Variants in PHTF2 observed in about 807,000 individuals in gnomAD.
PHTF2 encodes the protein putative homeodomain transcription factor 2.
Under a neutral mutation model 101.2 loss-of-function variants are expected in PHTF2, and 60 were observed. That is an observed-to-expected ratio of 0.59 (90% CI 0.48 to 0.73). PHTF2 has a LOEUF of 0.73. Ranked by LOEUF, PHTF2 falls within the 30% of genes least tolerant of loss-of-function variation. The pLI is 0.00. For synonymous variants in PHTF2, 311 were observed against 307.3 expected, an observed-to-expected ratio of 1.01 and a Z score of -0.13; for missense variants, 747 against 908.7, an observed-to-expected ratio of 0.82 and a Z score of 2.29.
intron 5 of PHTF2, 157 bp from the exon 5 acceptor site, chr7:77,900,554 T>C: frequency 1.6e-6 from 1 of 614,586 alleles, no homozygotes. Context: ...ATTACAATAC[T>C]GTAATTGTGT....
intron 5 of PHTF2, among the ~76,000 whole-genome samples, chr7:77,897,709 T>G (rs1018017009): frequency 4.6e-5 from 7 of 152,206 alleles, no homozygotes; most frequent in Non-Finnish European, 8.8e-5. Context: ...CTTGATGCTT[T>G]CTTTTATTTT....
chr7:77,852,581 T>C (rs919177793), intron 2 of PHTF2, among the ~76,000 whole-genome samples: 5 of 152,242 alleles, frequency 3.3e-5, no homozygotes, highest in Non-Finnish European at 5.9e-5. Flanking sequence ...TTTTAATACG[T>C]TCATCTTTTA....
intron 10 of PHTF2, among the ~76,000 whole-genome samples, chr7:77,922,078 A>G (rs1411680759): frequency 7.6e-6 from 1 of 130,858 alleles, no homozygotes; most frequent in Non-Finnish European, 1.5e-5. Context: ...GCCAGAGTTC[A>G]GTGGTGCGAT....
At chr7:77,956,731 A>G (rs944815521) in exon 20 of PHTF2, 2 of 152,636 alleles carry the variant, frequency 1.3e-5, no homozygotes, top group Non-Finnish European at 2.9e-5. Flanking sequence ...ATTTTGAGAA[A>G]AAAAGTACGG....
intron 5 of PHTF2, among the ~76,000 whole-genome samples, chr7:77,897,293 A>ATTT (rs10687152): frequency 1.4e-3 from 190 of 133,656 alleles, no homozygotes; most frequent in African/African-American, 4.6e-3. Context: ...AGCCCATTTC[A>ATTT]TTTTTTTTTT....
intron 1 of PHTF2, among the ~76,000 whole-genome samples, chr7:77,836,119 C>CAAAAAAA (rs1210225270): frequency 7.5e-4 from 48 of 64,406 alleles, no homozygotes; most frequent in African/African-American, 2.2e-3. Context: ...AACTCCATCT[C>CAAAAAAA]AAAAAAAAAA....
chr7:77,893,561 G>T (rs1181830594), intron 3 of PHTF2, 47 bp from the exon 3 acceptor site: 1 of 766,726 alleles, frequency 1.3e-6, no homozygotes, highest in South Asian at 1.6e-5. Context: ...ATACCTATTT[G>T]ATGGGTACCA....
At chr7:77,841,903 T>C (rs576917584) in intron 2 of PHTF2, among the ~76,000 whole-genome samples, 5 of 152,314 alleles carry the variant, frequency 3.3e-5, no homozygotes, top group African/African-American at 1.2e-4. Flanking sequence ...CTAATTTCTA[T>C]CTACGGGAGT....
chr7:77,928,875 T>G (rs1804304216), intron 11 of PHTF2, among the ~76,000 whole-genome samples: 5 of 152,240 alleles, frequency 3.3e-5, no homozygotes. Flanking sequence ...GATACAACCT[T>G]TGTATGCAAA....
At chr7:77,932,619 AGAGTGTGTGTGTGTGT>A (rs1258441825) in intron 12 of PHTF2, among the ~76,000 whole-genome samples, 2 of 111,604 alleles carry the variant, frequency 1.8e-5, no homozygotes, top group African/African-American at 8.2e-5. Context: ...AGAGAGAGAG[AGAGTGTGTGTGTGTGT>A]GTGTGTGTGT....
chr7:77,905,228 T>C (rs1801743178), intron 7 of PHTF2, among the ~76,000 whole-genome samples: 1 of 152,136 alleles, frequency 6.6e-6, no homozygotes, highest in Admixed American at 6.5e-5. Flanking sequence ...TCCATTCTAT[T>C]CTATTCTGTT....
At chr7:77,946,655 G>A (rs762424076) in intron 16 of PHTF2, among the ~76,000 whole-genome samples, 61 of 152,190 alleles carry the variant, frequency 4.0e-4, no homozygotes, top group Non-Finnish European at 5.9e-5. Context: ...AAATATTTTA[G>A]ACTTTTGCCT....
At chr7:77,893,544 CAG>C in intron 3 of PHTF2, 62 bp from the exon 3 acceptor site, 1 of 660,098 alleles carries the variant, frequency 1.5e-6, no homozygotes, top group Non-Finnish European at 2.7e-6. Context: ...GTATTTCAAG[CAG>C]AGTTATACCT....
rs1334820650 is a variant in PHTF2 at position 77,920,166 on chromosome 7, A to G, written c.777-113A>G. 5.0e-6 allele frequency: 3 copies of G among 603,576 alleles called. No individual in the cohort carries two copies. In the Admixed American group the frequency reaches 1.0e-4, roughly 21 times the overall value. 37.4% of individuals were successfully genotyped at this position (603,576 alleles called of 1,614,324 possible). A position where few individuals can be genotyped will look rare whatever the true frequency, so the allele number is the denominator to read the frequency against. ...TTATTATACAAATAGGGTGGTCATT[A>G]AAATTTAGAGAAATAGCTATCTGAT... On this transcript the variant is annotated intron_variant, in intron 9 of 19. Transcript: ENST00000416283.
At chr7:77,931,037 T>C (rs1584747575) in intron 12 of PHTF2, among the ~76,000 whole-genome samples, 2 of 152,326 alleles carry the variant, frequency 1.3e-5, no homozygotes, top group East Asian at 3.9e-4. Context: ...GGATCACTAA[T>C]ACATGACAAT....
intron 1 of PHTF2, among the ~76,000 whole-genome samples, chr7:77,839,673 G>A (rs1246868170): frequency 6.6e-6 from 1 of 152,082 alleles, no homozygotes; most frequent in Non-Finnish European, 1.5e-5. Context: ...AGTCTTTAGT[G>A]TTAATTATTC....
chr7:77,910,788 C>G (rs767295154), intron 9 of PHTF2, among the ~76,000 whole-genome samples: 2 of 152,000 alleles, frequency 1.3e-5, no homozygotes, highest in Non-Finnish European at 2.9e-5. Context: ...CTTACAGGCA[C>G]GTGCCACCAC....
At chr7:77,858,428 G>A (rs1797353812) in intron 3 of PHTF2, among the ~76,000 whole-genome samples, 1 of 152,104 alleles carries the variant, frequency 6.6e-6, no homozygotes, top group Non-Finnish European at 1.5e-5. Flanking sequence ...CAAGAAATCG[G>A]ACACCCTTAG....
At chr7:77,913,909 C>CA (rs1175923959) in intron 9 of PHTF2, among the ~76,000 whole-genome samples, 1 of 151,406 alleles carries the variant, frequency 6.6e-6, no homozygotes, top group Non-Finnish European at 1.5e-5. Flanking sequence ...AATTAAAATA[C>CA]AAAAAAATTA....
Sources: allele counts gnomAD v4.1 joint callset (sites outside exome capture counted in the v4.1 genomes callset), GRCh38; gene constraint gnomAD v4.1.1; transcripts MANE v1.5; gene names NCBI Gene and HGNC (gene_info 2026-07-23, HGNC 2026-07-21).